PRKCA: variants seen among roughly 807,000 people sequenced by gnomAD.
The protein encoded by PRKCA is protein kinase C alpha, also known as protein kinase C alpha type.
In PRKCA, 27 loss-of-function variants were observed where a neutral mutation model predicts 87.0. The ratio of observed to expected loss-of-function variants is 0.31; its 90% CI spans 0.23 to 0.43. The LOEUF is 0.43. PRKCA is among the 20% of genes least tolerant of loss of function. The pLI, the probability that PRKCA is intolerant of heterozygous loss-of-function variation, is 1.00. For missense variants in PRKCA, 518 were observed against 852.3 expected, an observed-to-expected ratio of 0.61 and a Z score of 4.88; for synonymous variants, 329 against 311.1, an observed-to-expected ratio of 1.06 and a Z score of -0.61.
chr17:66,493,443 G>C (rs913776912), intron 2 of PRKCA, among the ~76,000 whole-genome samples: 5 of 151,950 alleles, frequency 3.3e-5, no homozygotes, highest in Non-Finnish European at 7.4e-5. Context: ...ATGAAAGGAC[G>C]GGGGGCTGTG....
At chr17:66,368,356 G>GTATATTTATA (rs1311286501) in intron 2 of PRKCA, among the ~76,000 whole-genome samples, 1 of 84,068 alleles carries the variant, frequency 1.2e-5, no homozygotes, top group Non-Finnish European at 2.3e-5. Flanking sequence ...GTGTGTGTGT[G>GTATATTTATA]TGTATATGTA....
At chr17:66,673,214 G>A (rs1464748718) in intron 5 of PRKCA, among the ~76,000 whole-genome samples, 1 of 152,124 alleles carries the variant, frequency 6.6e-6, no homozygotes, top group African/African-American at 2.4e-5. Context: ...TTTTTCCAAG[G>A]ACTAAACATT....
chr17:66,377,721 A>ATATATATT (rs1350881561), intron 2 of PRKCA, among the ~76,000 whole-genome samples: 1 of 69,150 alleles, frequency 1.4e-5, no homozygotes, highest in Non-Finnish European at 2.5e-5. Flanking sequence ...ATATATATAT[A>ATATATATT]TTTTTTTTTT....
At chr17:66,460,546 A>G (rs1914797469) in intron 2 of PRKCA, among the ~76,000 whole-genome samples, 1 of 152,094 alleles carries the variant, frequency 6.6e-6, no homozygotes, top group African/African-American at 2.4e-5. Flanking sequence ...GCAGACAGGG[A>G]GAAGAACTAA....
intron 2 of PRKCA, among the ~76,000 whole-genome samples, chr17:66,347,964 A>G (rs12952109): frequency 0.69 from 55,193 of 79,964 alleles, 16,662 homozygotes; most frequent in Non-Finnish European, 0.75. Context: ...TTTTTTTGAG[A>G]CAAAGTCTTG....
chr17:66,398,625 C>T (rs1706972536), intron 2 of PRKCA, among the ~76,000 whole-genome samples: 1 of 152,052 alleles, frequency 6.6e-6, no homozygotes, highest in African/African-American at 2.4e-5. Context: ...GGAAGCAAGA[C>T]AGAGAGGGAA....
intron 2 of PRKCA, among the ~76,000 whole-genome samples, chr17:66,361,104 A>C (rs959982477): frequency 1.3e-5 from 2 of 151,946 alleles, no homozygotes; most frequent in African/African-American, 4.8e-5. Flanking sequence ...GTTGCTGCTG[A>C]GCTGGCTTCA....
chr17:66,417,216 T>A (rs908019855), intron 2 of PRKCA, among the ~76,000 whole-genome samples: 8 of 152,078 alleles, frequency 5.3e-5, no homozygotes, highest in Non-Finnish European at 1.0e-4. Flanking sequence ...TTTTTTTTTT[T>A]AATACAATAA....
At chr17:66,777,191 C>T in intron 14 of PRKCA, 1 of 985,326 alleles carries the variant, frequency 1.0e-6, no homozygotes, top group Non-Finnish European at 1.2e-6. Flanking sequence ...GAACAGCCAC[C>T]TGTTGTAACA....
chr17:66,434,330 G>T (rs1004422057), intron 2 of PRKCA, among the ~76,000 whole-genome samples: 2 of 152,062 alleles, frequency 1.3e-5, no homozygotes, highest in African/African-American at 4.8e-5. Context: ...ATCAAGTGCA[G>T]TGTTTGAAGA....
At chr17:66,774,156 G>A (rs570781713) in intron 14 of PRKCA, 89 bp downstream of exon 14, 60 of 1,602,754 alleles carry the variant, frequency 3.7e-5, no homozygotes, top group African/African-American at 3.3e-4. Flanking sequence ...AAGACCTGAC[G>A]TTTTAGTGCA....
At chr17:66,694,600 A>G (rs1349028433) in intron 8 of PRKCA, among the ~76,000 whole-genome samples, 1 of 151,908 alleles carries the variant, frequency 6.6e-6, no homozygotes, top group Non-Finnish European at 1.5e-5. Flanking sequence ...TTATGTTAAC[A>G]ACAGAAACGT....
At chr17:66,530,765 C>G (rs899130587) in intron 3 of PRKCA, among the ~76,000 whole-genome samples, 2 of 152,102 alleles carry the variant, frequency 1.3e-5, no homozygotes, top group Admixed American at 1.3e-4. Context: ...CAGGTTTCTG[C>G]GCAGTGCCCC....
chr17:66,401,116 G>A (rs1363044894), intron 2 of PRKCA, among the ~76,000 whole-genome samples: 2 of 152,278 alleles, frequency 1.3e-5, no homozygotes, highest in East Asian at 1.9e-4. Context: ...CACAGTTCCC[G>A]CCCTCAAGGG....
At position 66,788,863 on chromosome 17, in the gene PRKCA, C is replaced by T. The variant is rs1467859917; in HGVS notation, c.1738C>T (p.Arg580Trp). Residue 580 changes from arginine (R) to tryptophan (W), a missense_variant, in exon 16 of 17, where the codon CGG (arginine) becomes TGG (tryptophan). Physicochemically the swap from Arg to Trp is moderately radical, Grantham distance 101 (BLOSUM62 -3). Around this residue, in one of 5 missense-constraint regions of PRKCA, gnomAD observed 159 missense variants for 232.4 expected, o/e 0.68. Transcript: ENST00000413366. ...KGLMTKHPAK[R>W]LGCGPEGERD... ...GCTGATGACCAAACACCCAGCCAAGCGGCTGGGCTGTGGGCCTGAGGGGGA... is the reference window on the plus strand; with the variant it reads ...GCTGATGACCAAACACCCAGCCAAGTGGCTGGGCTGTGGGCCTGAGGGGGA... 1.2e-6 allele frequency: 2 copies of T among 1,613,516 alleles called. No homozygotes were observed. The highest frequency in any genetic ancestry group is 1.1e-5 in the South Asian group (1 of 91,050).
chr17:66,489,548 A>C, intron 2 of PRKCA, among the ~76,000 whole-genome samples: 1 of 151,674 alleles, frequency 6.6e-6, no homozygotes. Flanking sequence ...CATTATTGAC[A>C]ACTATGTGCT....
rs545563483 is a variant in PRKCA, at chr17:66,575,080, T to C, written c.289-66275T>C. ...CACCACTCTGGTACTTTAGGGCCAT[T>C]ATGAAGTAAAATAAGGATTCCTTCA... On this transcript the variant is annotated intron_variant, in intron 3 of 16. Transcript: ENST00000413366. Among the ~76,000 whole-genome samples, 119 of 152,304 alleles carry C rather than the reference T, an allele frequency of 7.8e-4. 1 individual carries two copies. Among genetic ancestry groups the C allele is most frequent in the Middle Eastern group, 3.4e-3 (1 of 294 alleles).
chr17:66,444,445 G>A (rs1359367851), intron 2 of PRKCA, among the ~76,000 whole-genome samples: 1 of 152,140 alleles, frequency 6.6e-6, no homozygotes, highest in East Asian at 1.9e-4. Flanking sequence ...CTGGGGGTGT[G>A]GATTCTCAGA....
At chr17:66,609,013 G>C (rs765190058) in intron 3 of PRKCA, among the ~76,000 whole-genome samples, 1 of 152,190 alleles carries the variant, frequency 6.6e-6, no homozygotes, top group Non-Finnish European at 1.5e-5. Flanking sequence ...TGCAGTTTGC[G>C]TGAATGAAGA....
Sources: gnomAD v4.1 joint callset for allele counts (sites outside exome capture counted in the v4.1 genomes callset) on GRCh38, gnomAD v4.1.1 for gene constraint, gnomAD v4.1.1 regional missense constraint, MANE v1.5 for transcripts, NCBI Gene and HGNC (gene_info 2026-07-23, HGNC 2026-07-21) for gene names.